The following BCAP29 variants were observed in gnomAD, a reference collection of about 807,000 sequenced individuals.
The protein encoded by BCAP29 is B cell receptor associated protein 29.
BCAP29 carries 34 observed loss-of-function variants against 31.8 expected under a neutral mutation model. The observed-to-expected ratio is 1.07, with a 90% confidence interval of 0.81 to 1.42. The LOEUF is 1.42. Ranked by LOEUF, BCAP29 falls within the 40% of genes most tolerant of loss-of-function variation. The pLI, the probability that BCAP29 is intolerant of heterozygous loss-of-function variation, is 0.00. For missense variants in BCAP29, 314 were observed against 269.2 expected, an observed-to-expected ratio of 1.17 and a Z score of -1.16; for synonymous variants, 104 against 91.3, an observed-to-expected ratio of 1.14 and a Z score of -0.79.
chr7:107,611,475 C>A (rs1027955926), intron 6 of BCAP29, among the ~76,000 whole-genome samples: 2 of 152,124 alleles, frequency 1.3e-5, no homozygotes, highest in Non-Finnish European at 2.9e-5. Flanking sequence ...CCATTGCAGG[C>A]TAGTCAGCCA....
At chr7:107,613,822 G>A in intron 7 of BCAP29, 1 of 927,816 alleles carries the variant, frequency 1.1e-6, no homozygotes, top group Non-Finnish European at 1.7e-6. Context: ...TTGTCTCAGT[G>A]TTTTAGACAT....
downstream of BCAP29, chr7:107,621,242 T>A (rs1370364670): frequency 6.1e-6 from 1 of 164,846 alleles, no homozygotes; most frequent in Non-Finnish European, 1.3e-5. Flanking sequence ...GACTTTAATG[T>A]CTGGGATGAT....
Position 107,580,875 on chromosome 7 carries a change from T to G in BCAP29, c.92+11T>G, listed in dbSNP as rs190258780. 1 of 1,555,170 alleles carries G rather than the reference T, an allele frequency of 6.4e-7. No individual in the cohort carries two copies. Among genetic ancestry groups the G allele is most frequent in the Non-Finnish European group, 8.7e-7 (1 of 1,148,936 alleles). ...TATTCCTCCTCAGAGGTAGGAAACC[T>G]TCAAATCGTTAACTAATAAATATTG... On this transcript the variant is annotated intron_variant, in intron 2 of 7. Transcript: ENST00000005259.
chr7:107,599,304 A>ATATTTATATAT (rs1384079496), intron 5 of BCAP29, among the ~76,000 whole-genome samples: 10 of 31,976 alleles, frequency 3.1e-4, no homozygotes, highest in African/African-American at 1.6e-3. Flanking sequence ...AATTATATAT[A>ATATTTATATAT]AATTTTATAT....
chr7:107,601,680 C>T (rs949910448), intron 6 of BCAP29, among the ~76,000 whole-genome samples: 3 of 152,060 alleles, frequency 2.0e-5, no homozygotes, highest in Non-Finnish European at 4.4e-5. Flanking sequence ...AGTTACCTAC[C>T]GTTTACAACA....
intron 3 of BCAP29, among the ~76,000 whole-genome samples, chr7:107,591,160 A>G (rs571764717): frequency 2.6e-5 from 4 of 152,236 alleles, no homozygotes; most frequent in Admixed American, 6.5e-5. Context: ...GGAATACTCA[A>G]TATTATTAAA....
intron 3 of BCAP29, among the ~76,000 whole-genome samples, chr7:107,588,790 G>A (rs1451256161): frequency 6.6e-6 from 1 of 152,124 alleles, no homozygotes; most frequent in African/African-American, 2.4e-5. Context: ...ACCCAAAAAG[G>A]GAACCCCAAA....
intron 6 of BCAP29, among the ~76,000 whole-genome samples, chr7:107,611,458 A>T (rs1448228665): frequency 6.6e-6 from 1 of 152,158 alleles, no homozygotes; most frequent in African/African-American, 2.4e-5. Flanking sequence ...TCAAAAAAAA[A>T]TAAACACCAT....
intron 3 of BCAP29, among the ~76,000 whole-genome samples, chr7:107,593,100 A>G (rs972578995): frequency 1.3e-5 from 2 of 152,230 alleles, no homozygotes; most frequent in Non-Finnish European, 2.9e-5. Flanking sequence ...ATAAAATAGT[A>G]GTCAAAAAGG....
intron 3 of BCAP29, 47 bp from the exon 4 acceptor site, chr7:107,593,908 T>TA: frequency 6.5e-7 from 1 of 1,540,508 alleles, no homozygotes; most frequent in Non-Finnish European, 8.7e-7. Flanking sequence ...TTAACAAGCT[T>TA]ATATTCGTAA....
At chr7:107,599,188 T>A (rs1383366851) in intron 5 of BCAP29, among the ~76,000 whole-genome samples, 5 of 86,688 alleles carry the variant, frequency 5.8e-5, no homozygotes, top group African/African-American at 2.1e-4. Flanking sequence ...AAAATTTATA[T>A]GTATATAAAT....
At chr7:107,592,200 C>A (rs1251471089) in intron 3 of BCAP29, among the ~76,000 whole-genome samples, 1 of 151,940 alleles carries the variant, frequency 6.6e-6, no homozygotes, top group Admixed American at 6.5e-5. Context: ...TTATAAAATT[C>A]TCAGTTTGAA....
At chr7:107,589,012 C>T (rs1203025257) in intron 3 of BCAP29, among the ~76,000 whole-genome samples, 1 of 152,144 alleles carries the variant, frequency 6.6e-6, no homozygotes, top group Non-Finnish European at 1.5e-5. Context: ...AACCTTTCCA[C>T]TAAAATCACA....
intron 5 of BCAP29, among the ~76,000 whole-genome samples, chr7:107,599,541 A>G (rs941432717): frequency 6.7e-6 from 1 of 149,012 alleles, no homozygotes; most frequent in Non-Finnish European, 1.5e-5. Context: ...AAAAGAAAAA[A>G]AAGTAGCTGC....
At chr7:107,599,153 ATATT>A (rs967776503) in intron 5 of BCAP29, among the ~76,000 whole-genome samples, 5 of 120,636 alleles carry the variant, frequency 4.1e-5, no homozygotes, top group Non-Finnish European at 6.6e-5. Context: ...ATATAAATAT[ATATT>A]TATAAATATA....
chr7:107,581,775 C>T (rs776844489), intron 2 of BCAP29, among the ~76,000 whole-genome samples: 1 of 152,166 alleles, frequency 6.6e-6, no homozygotes, highest in African/African-American at 2.4e-5. Flanking sequence ...TTGCTCCTTA[C>T]CTGCCTGGAT....
chr7:107,612,752 A>G (rs1325685632), intron 6 of BCAP29, among the ~76,000 whole-genome samples: 1 of 152,074 alleles, frequency 6.6e-6, no homozygotes, highest in Non-Finnish European at 1.5e-5. Flanking sequence ...TCATGAGGAA[A>G]CATCAGACAA....
chr7:107,586,639 A>G (rs902187535), intron 3 of BCAP29, among the ~76,000 whole-genome samples: 3 of 151,390 alleles, frequency 2.0e-5, no homozygotes, highest in Non-Finnish European at 4.4e-5. Flanking sequence ...CTTAATTTAT[A>G]TTTTACTTGG....
At chr7:107,617,445 T>G (rs1165776607) in intron 7 of BCAP29, among the ~76,000 whole-genome samples, 1 of 152,166 alleles carries the variant, frequency 6.6e-6, no homozygotes, top group Admixed American at 6.5e-5. Flanking sequence ...CATGTAGTCC[T>G]TTCCTTATTT....
Sources: gnomAD v4.1 joint callset for allele counts (sites outside exome capture counted in the v4.1 genomes callset) on GRCh38, gnomAD v4.1.1 for gene constraint, MANE v1.5 for transcripts, NCBI Gene and HGNC (gene_info 2026-07-23, HGNC 2026-07-21) for gene names.